Variants in PLEKHA5 observed in about 807,000 individuals in gnomAD.
PLEKHA5 encodes the protein pleckstrin homology domain-containing family A member 5.
PLEKHA5 carries 55 observed loss-of-function variants against 181.9 expected under a neutral mutation model. That is an observed-to-expected ratio of 0.30 (90% CI 0.24 to 0.38). The LOEUF (loss-of-function observed/expected upper bound fraction) is 0.38. Ranked by LOEUF, PLEKHA5 falls within the 10% of genes least tolerant of loss-of-function variation. The pLI is 1.00. For synonymous variants in PLEKHA5, 535 were observed against 529.4 expected (o/e 1.01, Z -0.15); for missense variants, 1,432 against 1,549.5 (o/e 0.92, Z 1.27).
Position 19,139,428 on chromosome 12 carries a change from C to G in PLEKHA5, c.227+6978C>G, listed in dbSNP as rs377410488. Among the ~76,000 whole-genome samples, 5 of 152,150 alleles carry G rather than the reference C, an allele frequency of 3.3e-5. No individual in the cohort carries two copies. The East Asian group carries it at 9.6e-4, about 29-fold the overall frequency. On this transcript the variant is annotated intron_variant, in intron 3 of 31. Transcript: ENST00000429027. Reference sequence around the variant, plus strand: ...CAAAAAGCAAACACAACCCACTCCCCTATCCTATCTCAGCTACCTAAATGA... The same window carrying G: ...CAAAAAGCAAACACAACCCACTCCCGTATCCTATCTCAGCTACCTAAATGA...
At chr12:19,180,113 T>TGATTATTTTTTAGA (rs2048213861) in intron 3 of PLEKHA5, among the ~76,000 whole-genome samples, 1 of 152,212 alleles carries the variant, frequency 6.6e-6, no homozygotes, top group Admixed American at 6.5e-5. Flanking sequence ...TGTATCAAGG[T>TGATTATTTTTTAGA]GCAGTATGCT....
intron 12 of PLEKHA5, among the ~76,000 whole-genome samples, chr12:19,285,823 G>A (rs2077100059): frequency 6.6e-6 from 1 of 152,152 alleles, no homozygotes; most frequent in African/African-American, 2.4e-5. Flanking sequence ...TGATGAAATG[G>A]TAAATGCATA....
intron 3 of PLEKHA5, among the ~76,000 whole-genome samples, chr12:19,157,354 T>G (rs567666736): frequency 6.6e-6 from 1 of 152,266 alleles, no homozygotes; most frequent in African/African-American, 2.4e-5. Flanking sequence ...TTCATGAACT[T>G]CATGATTTAT....
rs961402403 is a variant in PLEKHA5, at chr12:19,130,565, C to T, written c.169+435C>T. 1 of 152,912 alleles carries T rather than the reference C, an allele frequency of 6.5e-6. No individual in the cohort carries two copies. The highest frequency in any genetic ancestry group is 2.4e-5 in the African/African-American group (1 of 41,430). 9.5% of individuals were successfully genotyped at this position (152,912 alleles called of 1,614,324 possible). A position where few individuals can be genotyped will look rare whatever the true frequency, so the allele number is the denominator to read the frequency against. On this transcript the variant is annotated intron_variant, in intron 2 of 31. Coordinates refer to ENST00000429027, the MANE Select transcript of PLEKHA5 (RefSeq NM_001256470.2). This position sits in a 1 kb window ranked among gnomAD's most constrained non-coding sequence, Gnocchi z 4.5. The stretch of plus-strand genomic sequence containing the variant: ...TTACCCACTCCCCTCCCTGCAGCCC[C>T]GGACCCCGATCGCCCGCCGGGATAA...
intron 3 of PLEKHA5, among the ~76,000 whole-genome samples, chr12:19,239,224 G>C (rs982193564): frequency 5.8e-4 from 88 of 152,286 alleles, no homozygotes; most frequent in African/African-American, 2.0e-3. Context: ...TCACTCTGAT[G>C]ATCAAAACCT....
intron 3 of PLEKHA5, among the ~76,000 whole-genome samples, chr12:19,168,482 T>C: frequency 6.8e-6 from 1 of 146,302 alleles, no homozygotes; most frequent in East Asian, 2.0e-4. Flanking sequence ...GAAGGCAGTT[T>C]ATTGCAGTGA....
intron 15 of PLEKHA5, among the ~76,000 whole-genome samples, chr12:19,301,518 A>C (rs1164958577): frequency 6.6e-6 from 1 of 152,212 alleles, no homozygotes; most frequent in African/African-American, 2.4e-5. Flanking sequence ...TCAGATCTGT[A>C]AAACTTATCC....
intron 3 of PLEKHA5, among the ~76,000 whole-genome samples, chr12:19,236,467 C>T (rs2061424405): frequency 6.6e-6 from 1 of 151,986 alleles, no homozygotes; most frequent in Admixed American, 6.5e-5. Flanking sequence ...CCATCATCAT[C>T]GTTTCTGGGT....
intron 15 of PLEKHA5, among the ~76,000 whole-genome samples, chr12:19,300,570 T>G (rs1226245772): frequency 6.6e-6 from 1 of 152,220 alleles, no homozygotes; most frequent in Non-Finnish European, 1.5e-5. Context: ...CAAAGATTTA[T>G]GGAACTCAGG....
At chr12:19,372,395 G>GTTTTTTTTTTTTTTTTTTTTTTT (rs34877323) in intron 31 of PLEKHA5, 2 of 139,226 alleles carry the variant, frequency 1.4e-5, no homozygotes, top group African/African-American at 2.6e-5. Context: ...GGGATTATTT[G>GTTTTTTTTTTTTTTTTTTTTTTT]TTTTTGTTTT....
chr12:19,340,435 A>G (rs1278765601), intron 21 of PLEKHA5, among the ~76,000 whole-genome samples: 4,843 of 44,680 alleles, frequency 0.11, no homozygotes, highest in Non-Finnish European at 0.26. Flanking sequence ...CCCGGCCACC[A>G]CCCCGTCTGG....
chr12:19,177,298 T>C (rs1392765779), intron 3 of PLEKHA5, among the ~76,000 whole-genome samples: 1 of 152,178 alleles, frequency 6.6e-6, no homozygotes, highest in Non-Finnish European at 1.5e-5. Flanking sequence ...TAATGATGTG[T>C]TAAAAATACA....
At chr12:19,298,199 C>CA (rs988545071) in intron 15 of PLEKHA5, among the ~76,000 whole-genome samples, 1 of 151,076 alleles carries the variant, frequency 6.6e-6, no homozygotes, top group Non-Finnish European at 1.5e-5. Flanking sequence ...ACACCATCTC[C>CA]AAAAAAAGAA....
In PLEKHA5 at chr12:19,359,422, G is replaced by A. The variant is rs201062893; in HGVS notation, c.3359G>A (p.Arg1120Lys). 5.7e-5 allele frequency: 92 copies of A among 1,613,278 alleles called. No individual in the cohort carries two copies. Among genetic ancestry groups the A allele is most frequent in the Admixed American group, 4.2e-4 (25 of 59,976 alleles). ...NPFRTTQTRR[R>K]DDKELDTAIR... ...ATGTCTTTTGAGCAGACTCGAAGGA[G>A]GGATGATAAGGAACTGGACACTGCC... Residue 1120 changes from arginine to lysine, a missense_variant, in exon 28 of 32, where the codon AGG becomes AAG. Transcript: ENST00000429027.
intron 3 of PLEKHA5, among the ~76,000 whole-genome samples, chr12:19,250,096 C>T (rs1288320802): frequency 6.6e-6 from 1 of 152,224 alleles, no homozygotes; most frequent in South Asian, 2.1e-4. Context: ...CAGGGATTGC[C>T]AAATGCTCCC....
At chr12:19,146,751 C>G (rs967429905) in intron 3 of PLEKHA5, among the ~76,000 whole-genome samples, 4 of 152,150 alleles carry the variant, frequency 2.6e-5, no homozygotes, top group African/African-American at 9.7e-5. Context: ...GGAATATGCT[C>G]TCTGTTTTGT....
At chr12:19,160,867 C>G (rs897283815) in intron 3 of PLEKHA5, among the ~76,000 whole-genome samples, 4 of 151,514 alleles carry the variant, frequency 2.6e-5, no homozygotes, top group Admixed American at 2.6e-4. Flanking sequence ...CAATATTGTC[C>G]TAAGAATTTT....
At chr12:19,232,077 G>T (rs1332041775) in intron 3 of PLEKHA5, among the ~76,000 whole-genome samples, 1 of 152,086 alleles carries the variant, frequency 6.6e-6, no homozygotes, top group Non-Finnish European at 1.5e-5. Flanking sequence ...TCAAATAATT[G>T]CTGCTTTTTA....
chr12:19,206,573 A>T (rs941748890), intron 3 of PLEKHA5, among the ~76,000 whole-genome samples: 5 of 152,076 alleles, frequency 3.3e-5, no homozygotes, highest in African/African-American at 1.2e-4. Flanking sequence ...TAGAAAAATG[A>T]TGTGGGGGGT....
Sources: allele counts gnomAD v4.1 joint callset (sites outside exome capture counted in the v4.1 genomes callset), GRCh38; gene constraint gnomAD v4.1.1; non-coding constraint Gnocchi (gnomAD v3.1); transcripts MANE v1.5; gene names NCBI Gene and HGNC (gene_info 2026-07-23, HGNC 2026-07-21).